NELL1: variants seen among roughly 807,000 people sequenced by gnomAD.
The protein encoded by NELL1 is protein kinase C-binding protein NELL1.
A neutral mutation model predicts 107.4 loss-of-function variants in NELL1; 76 were observed. The observed-to-expected ratio is 0.71, with a 90% CI of 0.59 to 0.86. NELL1 has a LOEUF of 0.86. Ranked by LOEUF, NELL1 falls within the 40% of genes least tolerant of loss-of-function variation. The pLI is 0.00. For synonymous variants in NELL1, 353 were observed against 341.2 expected, an observed-to-expected ratio of 1.03 and a Z score of -0.38; for missense variants, 1,024 against 1,005.5, an observed-to-expected ratio of 1.02 and a Z score of -0.25.
chr11:20,695,437 A>C (rs1854589554), intron 2 of NELL1, among the ~76,000 whole-genome samples: 1 of 152,064 alleles, frequency 6.6e-6, no homozygotes, highest in Non-Finnish European at 1.5e-5. Context: ...GTTTGCATAG[A>C]TGACTTTTAT....
intron 14 of NELL1, among the ~76,000 whole-genome samples, chr11:21,252,417 A>G (rs1023137459): frequency 6.6e-6 from 1 of 152,150 alleles, no homozygotes; most frequent in African/African-American, 2.4e-5. Flanking sequence ...AGAAGCACAG[A>G]CCAGAGACTT....
intron 13 of NELL1, among the ~76,000 whole-genome samples, chr11:21,132,205 G>A (rs1468685266): frequency 6.6e-6 from 1 of 151,720 alleles, no homozygotes; most frequent in Non-Finnish European, 1.5e-5. Flanking sequence ...GTGTGTGTGT[G>A]CATGTCTGTG....
At chr11:21,297,786 A>C (rs1230550251) in intron 14 of NELL1, among the ~76,000 whole-genome samples, 2 of 151,996 alleles carry the variant, frequency 1.3e-5, no homozygotes, top group Non-Finnish European at 2.9e-5. Flanking sequence ...ATGGAGGTAT[A>C]AGCAGGATCT....
intron 15 of NELL1, among the ~76,000 whole-genome samples, chr11:21,378,289 T>C (rs886533069): frequency 1.1e-4 from 16 of 149,408 alleles, no homozygotes; most frequent in African/African-American, 3.9e-4. Flanking sequence ...ATATATATTA[T>C]AGATAATCAT....
At chr11:21,327,179 G>A (rs954921388) in intron 14 of NELL1, among the ~76,000 whole-genome samples, 1 of 65,054 alleles carries the variant, frequency 1.5e-5, no homozygotes, top group Non-Finnish European at 3.2e-5. Flanking sequence ...TTTTTTTTTT[G>A]TGGGGGGGAC....
intron 14 of NELL1, among the ~76,000 whole-genome samples, chr11:21,236,613 T>C (rs187591978): frequency 1.3e-5 from 2 of 152,186 alleles, no homozygotes; most frequent in Non-Finnish European, 2.9e-5. Context: ...ACACTAAATA[T>C]AGTTATACCA....
intron 2 of NELL1, among the ~76,000 whole-genome samples, chr11:20,690,603 C>A (rs36184324): frequency 7.2e-6 from 1 of 138,022 alleles, no homozygotes; most frequent in East Asian, 1.9e-4. Context: ...AGATATGTGG[C>A]GTTCTTTCTG....
intron 12 of NELL1, among the ~76,000 whole-genome samples, chr11:20,995,974 G>A (rs574705491): frequency 1.3e-5 from 2 of 152,322 alleles, no homozygotes; most frequent in South Asian, 4.1e-4. Flanking sequence ...GACAAAAGAA[G>A]AGAAACATTT....
intron 11 of NELL1, among the ~76,000 whole-genome samples, chr11:20,955,529 T>A (rs1276599231): frequency 2.0e-5 from 3 of 152,196 alleles, no homozygotes; most frequent in African/African-American, 7.2e-5. Flanking sequence ...AAGTTGAGGA[T>A]AACAGCATTA....
At chr11:21,481,034 G>T (rs1417562129) in intron 15 of NELL1, among the ~76,000 whole-genome samples, 1 of 152,090 alleles carries the variant, frequency 6.6e-6, no homozygotes, top group Non-Finnish European at 1.5e-5. Context: ...AAAATGGAGG[G>T]CTTTACAATG....
intron 13 of NELL1, among the ~76,000 whole-genome samples, chr11:21,189,139 A>C (rs916950126): frequency 1.3e-5 from 2 of 151,854 alleles, no homozygotes; most frequent in Admixed American, 6.6e-5. Flanking sequence ...CTGCTCACAT[A>C]TGTAGCTCTT....
In NELL1 at chr11:21,415,158, T is replaced by G. The variant is rs1479686986; in HGVS notation, c.1645+44210T>G. Reference sequence around the variant, plus strand: ...GAAGCTGAACTTGTCTGAGAAACTCTTATCTCTGAAAGCACAAATTGAGCA... The same window carrying G: ...GAAGCTGAACTTGTCTGAGAAACTCGTATCTCTGAAAGCACAAATTGAGCA... On this transcript the variant is annotated intron_variant, in intron 15 of 19. Coordinates refer to ENST00000357134, the MANE Select transcript of NELL1 (RefSeq NM_006157.5). Among the ~76,000 whole-genome samples the G allele has an allele frequency of 2.0e-5, 3 of 152,106 alleles. No homozygotes were observed. In the East Asian group the frequency reaches 5.8e-4, roughly 29 times the overall value.
chr11:20,839,490 C>T (rs1319829233), intron 3 of NELL1, among the ~76,000 whole-genome samples: 4 of 152,206 alleles, frequency 2.6e-5, no homozygotes, highest in Non-Finnish European at 5.9e-5. Flanking sequence ...AGCAGCATCA[C>T]ACCTTTGTAA....
intron 15 of NELL1, among the ~76,000 whole-genome samples, chr11:21,384,436 T>C (rs533059370): frequency 6.6e-6 from 1 of 152,062 alleles, no homozygotes; most frequent in Non-Finnish European, 1.5e-5. Context: ...ATTTTCTTTT[T>C]TTTTTACATT....
At chr11:21,493,259 A>G (rs1162661044) in intron 15 of NELL1, among the ~76,000 whole-genome samples, 1 of 152,134 alleles carries the variant, frequency 6.6e-6, no homozygotes, top group East Asian at 1.9e-4. Context: ...AAAATAAATC[A>G]GGATATCAAA....
intron 15 of NELL1, among the ~76,000 whole-genome samples, chr11:21,420,963 A>G (rs1852650381): frequency 1.3e-5 from 2 of 152,176 alleles, no homozygotes; most frequent in African/African-American, 4.8e-5. Context: ...TAATCAGTAA[A>G]GGCTACAAGA....
intron 3 of NELL1, among the ~76,000 whole-genome samples, chr11:20,798,510 A>G (rs74681135): frequency 0.031 from 2,997 of 97,912 alleles, 103 homozygotes; most frequent in African/African-American, 0.073. Flanking sequence ...GAGAATTTAA[A>G]AAAACTCTTC....
chr11:20,966,339 C>G (rs1266270954), intron 12 of NELL1, among the ~76,000 whole-genome samples: 1 of 152,080 alleles, frequency 6.6e-6, no homozygotes, highest in East Asian at 1.9e-4. Context: ...TCCTAATCAC[C>G]TCTTAAAAGT....
chr11:20,901,510 C>T (rs192388842), intron 5 of NELL1, among the ~76,000 whole-genome samples: 78 of 151,432 alleles, frequency 5.2e-4, no homozygotes, highest in South Asian at 8.3e-4. Context: ...ACGTCTGCTT[C>T]TTCCACATTG....
Sources: allele counts gnomAD v4.1 joint callset (sites outside exome capture counted in the v4.1 genomes callset), GRCh38; gene constraint gnomAD v4.1.1; transcripts MANE v1.5; gene names NCBI Gene and HGNC (gene_info 2026-07-23, HGNC 2026-07-21).